Variants in TRIM44 observed in about 807,000 individuals in gnomAD.
TRIM44 encodes the protein tripartite motif containing 44.
A neutral mutation model predicts 37.4 loss-of-function variants in TRIM44; 13 were observed. The ratio of observed to expected loss-of-function variants is 0.35; its 90% CI spans 0.23 to 0.55. The LOEUF (loss-of-function observed/expected upper bound fraction) is 0.55, where lower values mean the gene tolerates loss of function less well. Among genes scored for constraint, TRIM44 ranks in the 20% least tolerant of loss-of-function variants. The probability of loss-of-function intolerance (pLI) is 0.89; values close to 1 mark genes in which losing one functional copy is unlikely to be tolerated. For missense variants in TRIM44, 426 were observed against 437.2 expected (o/e 0.97, Z 0.23); for synonymous variants, 175 against 157.2 (o/e 1.11, Z -0.85).
chr11:35,742,368 GAT>G lies in TRIM44; in HGVS notation c.1007+6936_1007+6937del, dbSNP rs533139422. Among the ~76,000 whole-genome samples, 332 of 138,464 alleles carry G rather than the reference GAT, an allele frequency of 2.4e-3. 3 individuals carry two copies. The highest frequency in any genetic ancestry group is 9.2e-3 in the Middle Eastern group (2 of 218). 90.8% of individuals were successfully genotyped at this position (138,464 alleles called of 152,430 possible). A position where few individuals can be genotyped will look rare whatever the true frequency, so the allele number is the denominator to read the frequency against. On this transcript the variant is annotated intron_variant, in intron 4 of 4. Transcript: ENST00000299413. ...TTTACATATATTATCTATATATATG[GAT>G]ATATATATATATGGTCTATATATAT...
At chr11:35,663,910 G>A (rs1206139041) in intron 1 of TRIM44, 130 bp downstream of exon 1, 3 of 1,107,166 alleles carry the variant, frequency 2.7e-6, no homozygotes, top group Non-Finnish European at 3.8e-6. Context: ...CTTTTTGGGA[G>A]CAGTTCTTAT....
intron 4 of TRIM44, among the ~76,000 whole-genome samples, chr11:35,746,158 A>C (rs1433825150): frequency 6.6e-6 from 1 of 152,176 alleles, no homozygotes; most frequent in Non-Finnish European, 1.5e-5. Context: ...GCTGCAGCCT[A>C]ATTCTCTTCT....
intron 4 of TRIM44, among the ~76,000 whole-genome samples, chr11:35,745,020 G>A (rs974010091): frequency 1.3e-5 from 2 of 152,134 alleles, no homozygotes; most frequent in African/African-American, 4.8e-5. Context: ...GAATATTGCT[G>A]CAATGAATAT....
chr11:35,677,932 G>A (rs1407604797), intron 1 of TRIM44, among the ~76,000 whole-genome samples: 1 of 152,186 alleles, frequency 6.6e-6, no homozygotes, highest in Non-Finnish European at 1.5e-5. Flanking sequence ...AGGACTTTTT[G>A]AACTAGTGAC....
At chr11:35,731,994 G>T (rs1275309148) in intron 3 of TRIM44, among the ~76,000 whole-genome samples, 1 of 152,040 alleles carries the variant, frequency 6.6e-6, no homozygotes, top group Non-Finnish European at 1.5e-5. Flanking sequence ...TATAGTGAGG[G>T]TGATACCATT....
chr11:35,803,273 A>T (rs1466321999), intron 4 of TRIM44, among the ~76,000 whole-genome samples: 10 of 73,050 alleles, frequency 1.4e-4, no homozygotes, highest in East Asian at 3.4e-4. Context: ...TAGTTTATTT[A>T]AAAAAAAAAA....
At chr11:35,742,176 C>T (rs1248758366) in intron 4 of TRIM44, among the ~76,000 whole-genome samples, 2 of 151,804 alleles carry the variant, frequency 1.3e-5, no homozygotes, top group African/African-American at 4.8e-5. Context: ...CTACTGGGGT[C>T]AAGTGATCCT....
rs1853546375 is a variant in TRIM44, at chr11:35,813,201, A to G, written c.*6816A>G. On this transcript the variant is annotated 3_prime_UTR_variant, in exon 5 of 5. Coordinates refer to ENST00000299413, the MANE Select transcript of TRIM44 (RefSeq NM_017583.6). ...TCACAATATTTTAGGATTCATGGCA[A>G]CTCATTTACCTAGGGCTTAGCCACC... 6.6e-6 allele frequency: 1 copy of G among 152,160 alleles called. No homozygotes were observed. The highest frequency in any genetic ancestry group is 1.5e-5 in the Non-Finnish European group (1 of 68,022). 9.4% of individuals were successfully genotyped at this position (152,160 alleles called of 1,614,324 possible).
intron 2 of TRIM44, among the ~76,000 whole-genome samples, chr11:35,706,569 C>G (rs1038473998): frequency 9.2e-5 from 14 of 152,160 alleles, no homozygotes; most frequent in African/African-American, 3.1e-4. Context: ...CCATCATGAT[C>G]GAGTGGGCTT....
At chr11:35,770,174 G>A (rs1852848378) in intron 4 of TRIM44, among the ~76,000 whole-genome samples, 1 of 152,272 alleles carries the variant, frequency 6.6e-6, no homozygotes, top group Non-Finnish European at 1.5e-5. Flanking sequence ...TTTTGTTCCT[G>A]TGTTAATTCA....
chr11:35,673,938 C>G (rs1440726314), intron 1 of TRIM44, among the ~76,000 whole-genome samples: 1 of 152,016 alleles, frequency 6.6e-6, no homozygotes, highest in East Asian at 2.0e-4. Flanking sequence ...TCATCTGTAT[C>G]AGTGCCTCGT....
At chr11:35,777,469 G>A (rs1227752602) in intron 4 of TRIM44, among the ~76,000 whole-genome samples, 1 of 152,200 alleles carries the variant, frequency 6.6e-6, no homozygotes, top group South Asian at 2.1e-4. Flanking sequence ...GGTTAATATT[G>A]TTATGTGTGA....
chr11:35,733,237 C>T (rs1252846744), intron 3 of TRIM44, among the ~76,000 whole-genome samples: 1 of 152,052 alleles, frequency 6.6e-6, no homozygotes, highest in Admixed American at 6.6e-5. Flanking sequence ...GAATTTGAGA[C>T]CATGTTTTTA....
chr11:35,757,896 G>A (rs568522564), intron 4 of TRIM44, among the ~76,000 whole-genome samples: 2 of 152,284 alleles, frequency 1.3e-5, no homozygotes, highest in South Asian at 4.1e-4. Context: ...TTTTACATTT[G>A]CTGAGGAGTA....
intron 4 of TRIM44, among the ~76,000 whole-genome samples, chr11:35,779,312 G>A (rs1446564240): frequency 6.6e-6 from 1 of 152,202 alleles, no homozygotes; most frequent in Non-Finnish European, 1.5e-5. Context: ...GTATTAGGGT[G>A]CAAGTGTCCC....
chr11:35,752,334 T>C (rs1852568894), intron 4 of TRIM44, among the ~76,000 whole-genome samples: 1 of 152,048 alleles, frequency 6.6e-6, no homozygotes, highest in Admixed American at 6.6e-5. Context: ...TTCTTCCTCC[T>C]GCCAGACCTC....
At chr11:35,800,559 C>A (rs1459075269) in intron 4 of TRIM44, among the ~76,000 whole-genome samples, 1 of 152,204 alleles carries the variant, frequency 6.6e-6, no homozygotes, top group Admixed American at 6.5e-5. Context: ...CATTTACAAT[C>A]CTTTAGCTAG....
At chr11:35,726,514 G>A (rs1157222188) in intron 3 of TRIM44, among the ~76,000 whole-genome samples, 1 of 152,090 alleles carries the variant, frequency 6.6e-6, no homozygotes, top group African/African-American at 2.4e-5. Context: ...GGCTGAATGA[G>A]AACAAATCAT....
At chr11:35,670,516 A>C (rs750108907) in intron 1 of TRIM44, among the ~76,000 whole-genome samples, 2 of 152,076 alleles carry the variant, frequency 1.3e-5, no homozygotes, top group Admixed American at 6.5e-5. Flanking sequence ...GTTTTGGGAG[A>C]ATATAATATT....
Sources: gnomAD v4.1 joint callset for allele counts (sites outside exome capture counted in the v4.1 genomes callset) on GRCh38, gnomAD v4.1.1 for gene constraint, MANE v1.5 for transcripts, NCBI Gene and HGNC (gene_info 2026-07-23, HGNC 2026-07-21) for gene names.